The following FRMD4A variants were observed in gnomAD, a reference collection of about 807,000 sequenced individuals.
FRMD4A encodes the protein FERM domain-containing protein 4A.
In FRMD4A, 29 loss-of-function variants were observed where a neutral mutation model predicts 129.1. That is an observed-to-expected ratio of 0.22 (90% CI 0.17 to 0.31). The LOEUF is 0.31. Among genes scored for constraint, FRMD4A ranks in the 10% least tolerant of loss-of-function variants. The pLI, the probability that FRMD4A is intolerant of heterozygous loss-of-function variation, is 1.00. For missense variants in FRMD4A, 1,272 were observed against 1,375.8 expected (o/e 0.92, Z 1.19); for synonymous variants, 634 against 571.6 (o/e 1.11, Z -1.56).
intron 3 of FRMD4A, among the ~76,000 whole-genome samples, chr10:13,818,182 A>C (rs1279319649): frequency 6.6e-6 from 1 of 152,128 alleles, no homozygotes; most frequent in Non-Finnish European, 1.5e-5. Flanking sequence ...TATTGTTTTT[A>C]GATACAGGGA....
intron 15 of FRMD4A, chr10:13,675,914 C>T (rs146668839): frequency 1.3e-5 from 2 of 152,058 alleles, no homozygotes; most frequent in East Asian, 3.9e-4. Flanking sequence ...AATTAGAATG[C>T]TATTGTATTT....
intron 12 of FRMD4A, among the ~76,000 whole-genome samples, chr10:13,712,439 A>G (rs1274154647): frequency 2.0e-5 from 3 of 151,940 alleles, no homozygotes; most frequent in African/African-American, 7.3e-5. Context: ...GCTTGTACCC[A>G]GGAGACGGAG....
At chr10:14,149,290 G>A (rs115502379) in intron 2 of FRMD4A, among the ~76,000 whole-genome samples, 1,726 of 152,170 alleles carry the variant, frequency 0.011, 25 homozygotes, top group African/African-American at 0.039. Flanking sequence ...ACAGAAATAC[G>A]TAGTAAGATT....
At chr10:14,007,775 C>T (rs1302460000) in intron 2 of FRMD4A, among the ~76,000 whole-genome samples, 2 of 152,146 alleles carry the variant, frequency 1.3e-5, no homozygotes, top group African/African-American at 4.8e-5. Context: ...ATCTTTCAAA[C>T]CCATTCCAGG....
At chr10:14,260,650 G>A (rs1282768105) in intron 2 of FRMD4A, among the ~76,000 whole-genome samples, 1 of 152,112 alleles carries the variant, frequency 6.6e-6, no homozygotes, top group Non-Finnish European at 1.5e-5. Context: ...TTCAAATTGG[G>A]CCACTCCTGG....
At chr10:14,147,240 T>C (rs1342932039) in intron 2 of FRMD4A, among the ~76,000 whole-genome samples, 1 of 152,130 alleles carries the variant, frequency 6.6e-6, no homozygotes, top group African/African-American at 2.4e-5. Flanking sequence ...GGTCAGACAG[T>C]TCAGAGCCAA....
intron 2 of FRMD4A, among the ~76,000 whole-genome samples, chr10:13,894,448 G>C (rs1033649531): frequency 2.0e-5 from 3 of 152,028 alleles, no homozygotes; most frequent in African/African-American, 7.2e-5. Context: ...CTACCCTCCA[G>C]CTACAGAACC....
intron 2 of FRMD4A, among the ~76,000 whole-genome samples, chr10:14,175,773 C>A (rs1841700868): frequency 6.6e-6 from 1 of 152,164 alleles, no homozygotes; most frequent in African/African-American, 2.4e-5. Flanking sequence ...GATCCTTCCG[C>A]CTCAGCCTCT....
chr10:14,032,399 T>C (rs1426677489), intron 2 of FRMD4A, among the ~76,000 whole-genome samples: 4 of 152,254 alleles, frequency 2.6e-5, no homozygotes, highest in Admixed American at 6.5e-5. Flanking sequence ...CAAATGCCAC[T>C]GGGGTATTGC....
At chr10:14,296,473 C>G (rs1333644255) in intron 2 of FRMD4A, among the ~76,000 whole-genome samples, 6 of 152,266 alleles carry the variant, frequency 3.9e-5, no homozygotes, top group Admixed American at 3.3e-4. Flanking sequence ...GACCCCCATG[C>G]CTTTGTGACT....
At chr10:14,139,934 G>A (rs952304144) in intron 2 of FRMD4A, among the ~76,000 whole-genome samples, 1 of 152,042 alleles carries the variant, frequency 6.6e-6, no homozygotes, top group Non-Finnish European at 1.5e-5. Flanking sequence ...ACTAGAAGAT[G>A]GGCTTTCACA....
intron 6 of FRMD4A, among the ~76,000 whole-genome samples, chr10:13,770,101 A>G (rs1367330058): frequency 1.3e-5 from 2 of 152,216 alleles, no homozygotes; most frequent in African/African-American, 2.4e-5. Flanking sequence ...CACAATGCCC[A>G]TATTTAGCCC....
At chr10:14,239,909 T>C (rs532175119) in intron 2 of FRMD4A, among the ~76,000 whole-genome samples, 2 of 152,324 alleles carry the variant, frequency 1.3e-5, no homozygotes, top group East Asian at 1.9e-4. Flanking sequence ...AGAATAGTGG[T>C]GTTTTTGCTG....
chr10:14,132,822 A>T (rs1839331278), intron 2 of FRMD4A, among the ~76,000 whole-genome samples: 1 of 152,182 alleles, frequency 6.6e-6, no homozygotes, highest in Non-Finnish European at 1.5e-5. Flanking sequence ...ACACACGATG[A>T]ATGGAGAGAA....
intron 2 of FRMD4A, among the ~76,000 whole-genome samples, chr10:13,907,901 C>G (rs1199888166): frequency 6.6e-6 from 1 of 150,712 alleles, no homozygotes; most frequent in Non-Finnish European, 1.5e-5. Context: ...TGCAGTGGCT[C>G]ACACCTGTAA....
Position 13,702,291 on chromosome 10 carries a change from C to T in FRMD4A, c.837-813G>A, listed in dbSNP as rs192196995. ...TTTCATCAGGCTGGTCTCTAACTCCCGGCCTCAGGTGATCCACCTGCCTCG... is the reference window on the plus strand; with the variant it reads ...TTTCATCAGGCTGGTCTCTAACTCCTGGCCTCAGGTGATCCACCTGCCTCG... On this transcript the variant is annotated intron_variant, in intron 13 of 24. Transcript: ENST00000357447. 1.2e-3 allele frequency among the ~76,000 whole-genome samples: 176 copies of T among 152,180 alleles called. 1 individual carries two copies. Among genetic ancestry groups the T allele is most frequent in the African/African-American group, 3.5e-3 (146 of 41,526 alleles).
chr10:14,059,712 T>C (rs552377909), intron 2 of FRMD4A, among the ~76,000 whole-genome samples: 55 of 152,200 alleles, frequency 3.6e-4, no homozygotes, highest in Non-Finnish European at 7.4e-4. Flanking sequence ...GCCTGTTCAG[T>C]TGTTTGACTC....
intron 2 of FRMD4A, among the ~76,000 whole-genome samples, chr10:14,058,697 T>G (rs1487179862): frequency 1.3e-5 from 2 of 152,138 alleles, no homozygotes; most frequent in Non-Finnish European, 2.9e-5. Flanking sequence ...ACTGAACACA[T>G]CCCTGTAGGG....
intron 2 of FRMD4A, among the ~76,000 whole-genome samples, chr10:14,164,976 A>C (rs1187961438): frequency 6.6e-6 from 1 of 152,194 alleles, no homozygotes; most frequent in African/African-American, 2.4e-5. Context: ...CAGGAAACCC[A>C]AAAGATTGGA....
Sources: allele counts gnomAD v4.1 joint callset (sites outside exome capture counted in the v4.1 genomes callset), GRCh38; gene constraint gnomAD v4.1.1; transcripts MANE v1.5; gene names NCBI Gene and HGNC (gene_info 2026-07-23, HGNC 2026-07-21).